GRID2: variants seen among roughly 807,000 people sequenced by gnomAD.
GRID2 encodes the protein glutamate receptor ionotropic, delta-2.
Under a neutral mutation model 114.8 loss-of-function variants are expected in GRID2, and 33 were observed. The ratio of observed to expected loss-of-function variants is 0.29; its 90% CI spans 0.22 to 0.38. GRID2 has a LOEUF of 0.38. Ranked by LOEUF, GRID2 falls within the 10% of genes least tolerant of loss-of-function variation. GRID2 has a pLI of 1.00. For missense variants in GRID2, 1,184 were observed against 1,257.7 expected, an observed-to-expected ratio of 0.94 and a Z score of 0.89; for synonymous variants, 505 against 449.9, an observed-to-expected ratio of 1.12 and a Z score of -1.55.
At chr4:92,424,101 T>G (rs1273891638) in intron 1 of GRID2, among the ~76,000 whole-genome samples, 5 of 152,036 alleles carry the variant, frequency 3.3e-5, no homozygotes, top group African/African-American at 1.2e-4. Context: ...TGAAATTCAA[T>G]AAAAACAGTC....
intron 2 of GRID2, among the ~76,000 whole-genome samples, chr4:92,614,354 T>C (rs1319971466): frequency 6.6e-6 from 1 of 151,634 alleles, no homozygotes. Context: ...TCCAATAAAG[T>C]CGTTTAAAGC....
At chr4:93,571,589 T>C (rs1735936324) in intron 13 of GRID2, among the ~76,000 whole-genome samples, 1 of 152,046 alleles carries the variant, frequency 6.6e-6, no homozygotes. Context: ...TTATGACAGT[T>C]TCAGGTTAGT....
At chr4:92,392,968 G>C (rs1215562150) in intron 1 of GRID2, among the ~76,000 whole-genome samples, 1 of 152,134 alleles carries the variant, frequency 6.6e-6, no homozygotes, top group Non-Finnish European at 1.5e-5. Context: ...TACAAGAAAA[G>C]AGGTTTAATT....
At chr4:92,738,939 A>G (rs1164502382) in intron 2 of GRID2, among the ~76,000 whole-genome samples, 2 of 152,174 alleles carry the variant, frequency 1.3e-5, no homozygotes, top group Admixed American at 1.3e-4. Flanking sequence ...AAGTGCTGGG[A>G]TTACAGGCAG....
At chr4:93,676,288 G>A (rs1724847126) in intron 14 of GRID2, among the ~76,000 whole-genome samples, 2 of 152,258 alleles carry the variant, frequency 1.3e-5, no homozygotes, top group Admixed American at 6.5e-5. Context: ...ATTCTTAAAT[G>A]TATGCTAAAT....
At chr4:92,819,276 A>G (rs1741113188) in intron 2 of GRID2, among the ~76,000 whole-genome samples, 1 of 152,064 alleles carries the variant, frequency 6.6e-6, no homozygotes, top group Admixed American at 6.6e-5. Flanking sequence ...CATCATCACA[A>G]ATCTCCACCA....
chr4:92,735,159 C>A (rs562916400), intron 2 of GRID2, among the ~76,000 whole-genome samples: 2 of 151,910 alleles, frequency 1.3e-5, no homozygotes, highest in East Asian at 3.9e-4. Flanking sequence ...AATATTAATC[C>A]TTTTTGATAT....
intron 2 of GRID2, among the ~76,000 whole-genome samples, chr4:92,595,385 T>C (rs1728900688): frequency 6.6e-6 from 1 of 151,972 alleles, no homozygotes; most frequent in South Asian, 2.1e-4. Context: ...TGGGATTCAT[T>C]AAAGTTAAAC....
chr4:93,366,389 A>G (rs1560544091), intron 8 of GRID2, among the ~76,000 whole-genome samples: 1 of 152,082 alleles, frequency 6.6e-6, no homozygotes, highest in African/African-American at 2.4e-5. Context: ...CCAGTCTCCT[A>G]TAGCACTCCC....
At position 93,075,028 on chromosome 4, in the gene GRID2, C is replaced by T. The variant is rs1254064229; in HGVS notation, c.245-9967C>T. Among the ~76,000 whole-genome samples, 4 of 152,108 alleles carry T rather than the reference C, an allele frequency of 2.6e-5. No individual in the cohort carries two copies. In the East Asian group the frequency reaches 7.7e-4, roughly 29 times the overall value. Reference sequence around the variant, plus strand: ...AGAAAGTTTCACTGGTGAGTTCTACCAGACTTTTCAGGAAAAATGACATTA... The same window carrying T: ...AGAAAGTTTCACTGGTGAGTTCTACTAGACTTTTCAGGAAAAATGACATTA... On this transcript the variant is annotated intron_variant, in intron 2 of 15. Transcript: ENST00000282020.
At chr4:93,297,294 A>G (rs1357367530) in intron 8 of GRID2, among the ~76,000 whole-genome samples, 1 of 152,220 alleles carries the variant, frequency 6.6e-6, no homozygotes, top group African/African-American at 2.4e-5. Flanking sequence ...CAATAAAATT[A>G]CCGATAAGAC....
chr4:93,598,450 C>T (rs767555630), intron 13 of GRID2, among the ~76,000 whole-genome samples: 9 of 152,096 alleles, frequency 5.9e-5, no homozygotes, highest in Non-Finnish European at 1.3e-4. Context: ...ATGAATTTTG[C>T]TTCAAATCAC....
intron 1 of GRID2, among the ~76,000 whole-genome samples, chr4:92,478,774 T>C (rs558596890): frequency 6.6e-6 from 1 of 152,274 alleles, no homozygotes; most frequent in East Asian, 1.9e-4. Context: ...GCAGACGTTC[T>C]CTTCCTTCTG....
intron 2 of GRID2, among the ~76,000 whole-genome samples, chr4:92,705,822 G>A (rs1405322405): frequency 6.6e-6 from 1 of 152,104 alleles, no homozygotes; most frequent in Admixed American, 6.6e-5. Flanking sequence ...CTTATTGGAT[G>A]GTCTTTGTCC....
intron 2 of GRID2, among the ~76,000 whole-genome samples, chr4:92,868,019 T>C (rs1745001904): frequency 2.8e-5 from 1 of 35,536 alleles, no homozygotes; most frequent in South Asian, 1.1e-3. Context: ...TGAAAGGTTT[T>C]CTTTCTTTCT....
intron 1 of GRID2, among the ~76,000 whole-genome samples, chr4:92,437,244 A>G (rs139233146): frequency 1.3e-5 from 2 of 152,316 alleles, no homozygotes; most frequent in Non-Finnish European, 2.9e-5. Flanking sequence ...ATGATTGGAA[A>G]AAAAATGATT....
At chr4:92,709,568 T>TAG (rs1473251972) in intron 2 of GRID2, among the ~76,000 whole-genome samples, 2 of 82,976 alleles carry the variant, frequency 2.4e-5, no homozygotes, top group East Asian at 7.5e-4. Flanking sequence ...CAAAATAGTG[T>TAG]AGAGAAAAAA....
At chr4:93,489,149 A>G (rs991616020) in intron 11 of GRID2, among the ~76,000 whole-genome samples, 2 of 152,002 alleles carry the variant, frequency 1.3e-5, no homozygotes, top group South Asian at 2.1e-4. Flanking sequence ...AGATAAAGGA[A>G]TTGGCAGTAT....
rs191844590 is a variant in GRID2 at position 93,006,988 on chromosome 4, A to T, written c.245-78007A>T. Among the ~76,000 whole-genome samples the T allele has an allele frequency of 2.0e-5, 3 of 152,164 alleles. No homozygotes were observed. The East Asian group carries it at 5.8e-4, about 29-fold the overall frequency. ...AAAGAATTACCTGGAAATATTAAAA[A>T]ATTATATTTCTAATCAGTGAAACAA... On this transcript the variant is annotated intron_variant, in intron 2 of 15. Coordinates refer to ENST00000282020, the MANE Select transcript of GRID2 (RefSeq NM_001510.4).
Sources: gnomAD v4.1 joint callset for allele counts (sites outside exome capture counted in the v4.1 genomes callset) on GRCh38, gnomAD v4.1.1 for gene constraint, MANE v1.5 for transcripts, NCBI Gene and HGNC (gene_info 2026-07-23, HGNC 2026-07-21) for gene names.